Variants in LZTS1 observed in about 807,000 individuals in gnomAD.
LZTS1 encodes leucine zipper putative tumor suppressor 1.
A neutral mutation model predicts 45.8 loss-of-function variants in LZTS1; 31 were observed. That is an observed-to-expected ratio of 0.68 (90% CI 0.51 to 0.91). LZTS1 has a LOEUF of 0.91. Among genes scored for constraint, LZTS1 ranks in the 40% least tolerant of loss-of-function variants. The probability of loss-of-function intolerance (pLI) is 0.00; values close to 1 mark genes in which losing one functional copy is unlikely to be tolerated. For missense variants in LZTS1, 821 were observed against 788.9 expected, an observed-to-expected ratio of 1.04 and a Z score of -0.49; for synonymous variants, 359 against 357.3, an observed-to-expected ratio of 1.00 and a Z score of -0.05.
rs1799803461 is a variant in LZTS1 at position 20,248,794 on chromosome 8, C to CG, written c.*927_*928insC. The CG allele has an allele frequency of 1.3e-5, 2 of 152,400 alleles. No homozygotes were observed. Among genetic ancestry groups the CG allele is most frequent in the African/African-American group, 4.8e-5 (2 of 41,386 alleles). 9.4% of individuals were successfully genotyped at this position (152,400 alleles called of 1,614,324 possible). On this transcript the variant is annotated 3_prime_UTR_variant, in exon 4 of 4. Transcript: ENST00000381569. ...AGGGAAAAACATTCCAGAGTAGCCGCCGGCCAACGTGAAGCAGGTAGGGAC... is the reference window on the plus strand; with the variant it reads ...AGGGAAAAACATTCCAGAGTAGCCGCGCGGCCAACGTGAAGCAGGTAGGGAC...
intron 1 of LZTS1, among the ~76,000 whole-genome samples, chr8:20,265,549 A>G (rs1006248560): frequency 6.6e-6 from 1 of 151,852 alleles, no homozygotes; most frequent in Non-Finnish European, 1.5e-5. Context: ...ACAGTGCCAC[A>G]ATGCCTATAG....
At chr8:20,291,149 G>A (rs118150563) in intron 1 of LZTS1, among the ~76,000 whole-genome samples, 2,029 of 152,334 alleles carry the variant, frequency 0.013, 18 homozygotes, top group Non-Finnish European at 0.018. Context: ...CTATTTTAAC[G>A]TAGTCAGATT....
At position 20,258,436 on chromosome 8, in the gene LZTS1, C is replaced by G. The variant is rs1162601289; in HGVS notation, c.-134-3121G>C. On this transcript the variant is annotated intron_variant, in intron 1 of 3. Coordinates refer to ENST00000381569, the MANE Select transcript of LZTS1 (RefSeq NM_021020.5). ...AGTTGTGCATGGAGACTCTGTGACT[C>G]TGAATATCTAGGCTTCGATTCAAAC... 3.3e-5 allele frequency among the ~76,000 whole-genome samples: 5 copies of G among 152,090 alleles called. No individual in the cohort carries two copies. In the East Asian group the frequency reaches 7.7e-4, roughly 23 times the overall value.
At chr8:20,284,121 C>G (rs867902686) in intron 1 of LZTS1, among the ~76,000 whole-genome samples, 3 of 152,188 alleles carry the variant, frequency 2.0e-5, no homozygotes, top group Admixed American at 2.0e-4. Context: ...GTCATTCTCT[C>G]TGGGGCTTCC....
intron 1 of LZTS1, among the ~76,000 whole-genome samples, chr8:20,296,714 T>A (rs2014643): frequency 6.6e-6 from 1 of 152,006 alleles, no homozygotes; most frequent in Non-Finnish European, 1.5e-5. Context: ...TATGTGTGTA[T>A]GTGTGCGTGT....
At chr8:20,251,368 G>C (rs185834844) in intron 3 of LZTS1, among the ~76,000 whole-genome samples, 8 of 151,886 alleles carry the variant, frequency 5.3e-5, no homozygotes, top group Admixed American at 1.3e-4. Flanking sequence ...ACGCATCCTG[G>C]GTAGGGTCGG....
intron 1 of LZTS1, among the ~76,000 whole-genome samples, chr8:20,273,304 T>G (rs1412368190): frequency 3.9e-5 from 6 of 152,312 alleles, no homozygotes; most frequent in African/African-American, 1.4e-4. Flanking sequence ...CTTTTCAGGC[T>G]GTATCTGAGA....
Position 20,250,343 on chromosome 8 carries a change from C to T in LZTS1, c.1170G>A (p.Glu390=). ...TCAGCTGCTGCTTCAGGAGGGAGAT[C>T]TCGCCTGACTTCTGGCACACCTGCC... The part of the protein sequence containing the change: ...TQWEVCQKSG[E]ISLLKQQLKE... Residue 390 remains glutamate, a synonymous_variant, in exon 4 of 4, where the codon GAG becomes GAA. Transcript: ENST00000381569. 3 of 1,604,120 alleles carry T rather than the reference C, an allele frequency of 1.9e-6. No homozygotes were observed. Among genetic ancestry groups the T allele is most frequent in the Non-Finnish European group, 1.7e-6 (2 of 1,173,614 alleles).
In LZTS1 at chr8:20,250,019, A is replaced by T; in HGVS notation, c.1494T>A (p.Pro498=). Residue 498 remains proline, a synonymous_variant, in exon 4 of 4, where the codon CCT becomes CCA. Coordinates refer to ENST00000381569, the MANE Select transcript of LZTS1 (RefSeq NM_021020.5). ...GCCGCTCCAGCTCCCGCTGCAGGGCAGGGACGTCCTCGGGGAAGGTGGGCG... is the reference window on the plus strand; with the variant it reads ...GCCGCTCCAGCTCCCGCTGCAGGGCTGGGACGTCCTCGGGGAAGGTGGGCG... ...MGPPTFPEDV[P]ALQRELERLR... The T allele has an allele frequency of 1.9e-6, 3 of 1,611,968 alleles. No individual in the cohort carries two copies. The highest frequency in any genetic ancestry group is 2.5e-6 in the Non-Finnish European group (3 of 1,179,412).
At chr8:20,293,958 A>C (rs1267667059) in intron 1 of LZTS1, among the ~76,000 whole-genome samples, 1 of 152,178 alleles carries the variant, frequency 6.6e-6, no homozygotes, top group East Asian at 1.9e-4. Context: ...AAATAAAATA[A>C]AAAGAAAAAA....
chr8:20,273,774 ATT>A (rs1491220113), intron 1 of LZTS1, among the ~76,000 whole-genome samples: 1 of 82,894 alleles, frequency 1.2e-5, no homozygotes, highest in Non-Finnish European at 2.9e-5. Context: ...GACCTGTTAT[ATT>A]TGTTTTTTTT....
Position 20,255,190 on chromosome 8 carries a change from G to T in LZTS1, c.-9C>A. 6.2e-7 allele frequency: 1 copy of T among 1,606,600 alleles called. No individual in the cohort carries two copies. Among genetic ancestry groups the T allele is most frequent in the Admixed American group, 1.7e-5 (1 of 59,818 alleles). ...CTACTGACGCTGCCCATGGTGACTCGGGGCTGAGGATGGGGCAGGGCCGGG... is the reference window on the plus strand; with the variant it reads ...CTACTGACGCTGCCCATGGTGACTCTGGGCTGAGGATGGGGCAGGGCCGGG... On this transcript the variant is annotated 5_prime_UTR_variant, in exon 2 of 4. Coordinates refer to ENST00000381569, the MANE Select transcript of LZTS1 (RefSeq NM_021020.5).
intron 1 of LZTS1, among the ~76,000 whole-genome samples, chr8:20,262,941 A>C (rs1800273682): frequency 6.6e-6 from 1 of 152,180 alleles, no homozygotes; most frequent in Admixed American, 6.5e-5. Flanking sequence ...TAACCTCTCT[A>C]TGCCTCAGTT....
chr8:20,274,804 G>A (rs1233809214), intron 1 of LZTS1, among the ~76,000 whole-genome samples: 1 of 152,166 alleles, frequency 6.6e-6, no homozygotes, highest in Admixed American at 6.5e-5. Flanking sequence ...CTCGTAAAGC[G>A]GGATGCATTG....
At chr8:20,303,594 C>G (rs1801119806) in intron 1 of LZTS1, 146 bp downstream of exon 1, 1 of 698,084 alleles carries the variant, frequency 1.4e-6, no homozygotes, top group Non-Finnish European at 1.8e-6. Flanking sequence ...GACAAAGACA[C>G]CTCGACAGCC....
intron 1 of LZTS1, among the ~76,000 whole-genome samples, chr8:20,300,067 G>T (rs757656151): frequency 2.0e-5 from 3 of 152,164 alleles, no homozygotes; most frequent in Non-Finnish European, 2.9e-5. Flanking sequence ...GATAGAGTGG[G>T]TGGGGGCGAG....
intron 1 of LZTS1, among the ~76,000 whole-genome samples, chr8:20,291,023 C>A (rs1214875551): frequency 6.6e-6 from 1 of 152,212 alleles, no homozygotes; most frequent in Non-Finnish European, 1.5e-5. Context: ...ACTCCTGCAC[C>A]ACATCTGGCA....
intron 1 of LZTS1, among the ~76,000 whole-genome samples, chr8:20,268,684 G>A (rs1800413626): frequency 6.6e-6 from 1 of 151,994 alleles, no homozygotes; most frequent in Non-Finnish European, 1.5e-5. Flanking sequence ...GAATGAAAAA[G>A]AGGCGAGAGT....
Position 20,255,067 on chromosome 8 carries a change from CG to C in LZTS1, c.114del (p.Asp39ThrfsTer4). The C allele has an allele frequency of 6.2e-7, 1 of 1,614,202 alleles. No individual in the cohort carries two copies. The highest frequency in any genetic ancestry group is 8.5e-7 in the Non-Finnish European group (1 of 1,180,042). ...GAGAAGCCAAACCTCAGCAGCCCGT[CG>C]GAATACCGGTTGAGCTTCTTGAGGT... is the stretch of plus-strand genomic sequence containing the variant. ...SSHLKKLNRYSDGLLRFGFSQ... is the reference protein window; with the variant it reads ...SSHLKKLNRYXDGLLRFGFSQ... On this transcript the variant is annotated frameshift_variant, in exon 2 of 4. Coordinates refer to ENST00000381569, the MANE Select transcript of LZTS1 (RefSeq NM_021020.5). LOFTEE classifies it high-confidence loss of function.
Sources: gnomAD v4.1 joint callset for allele counts (sites outside exome capture counted in the v4.1 genomes callset) on GRCh38, gnomAD v4.1.1 for gene constraint, MANE v1.5 for transcripts, NCBI Gene and HGNC (gene_info 2026-07-23, HGNC 2026-07-21) for gene names.